The following DMTF1 variants were observed in gnomAD, a reference collection of about 807,000 sequenced individuals.
The protein encoded by DMTF1 is cyclin-D-binding Myb-like transcription factor 1.
In DMTF1, 39 loss-of-function variants were observed where a neutral mutation model predicts 91.1. That is an observed-to-expected ratio of 0.43 (90% CI 0.33 to 0.56). The LOEUF is 0.56. Among genes scored for constraint, DMTF1 ranks in the 20% least tolerant of loss-of-function variants. DMTF1 has a pLI of 0.05. For synonymous variants in DMTF1, 338 were observed against 309.5 expected (o/e 1.09, Z -0.97); for missense variants, 750 against 914.5 (o/e 0.82, Z 2.32).
At chr7:87,173,502 T>G in intron 5 of DMTF1, 33 bp from the exon 6 acceptor site, 1 of 1,452,922 alleles carries the variant, frequency 6.9e-7, no homozygotes, top group African/African-American at 1.4e-5. Context: ...TGTTTTGTTT[T>G]GTTTTGTTTT....
intron 3 of DMTF1, 72 bp downstream of exon 3, chr7:87,165,122 T>TTGG: frequency 1.9e-6 from 2 of 1,076,560 alleles, no homozygotes; most frequent in Non-Finnish European, 2.8e-6. Flanking sequence ...TGACCCCTAT[T>TTGG]GCCCAAATAG....
At chr7:87,192,362 G>A (rs1800045088) in intron 14 of DMTF1, 1 of 152,034 alleles carries the variant, frequency 6.6e-6, no homozygotes, top group African/African-American at 2.4e-5. Context: ...TTTATGGAAA[G>A]GAAAAGAAAT....
At chr7:87,161,902 T>G (rs985916551) in intron 1 of DMTF1, among the ~76,000 whole-genome samples, 5 of 152,242 alleles carry the variant, frequency 3.3e-5, no homozygotes, top group Non-Finnish European at 7.3e-5. Flanking sequence ...TGGGAAAATA[T>G]ATTGCAGTAT....
chr7:87,172,295 A>T (rs1795250681), intron 5 of DMTF1, among the ~76,000 whole-genome samples: 1 of 152,196 alleles, frequency 6.6e-6, no homozygotes, highest in African/African-American at 2.4e-5. Context: ...AAAAAGTATG[A>T]CATGTAAATA....
chr7:87,153,164 T>G (rs944340795), intron 1 of DMTF1, among the ~76,000 whole-genome samples: 4 of 152,034 alleles, frequency 2.6e-5, no homozygotes, highest in African/African-American at 9.7e-5. Context: ...GGTTCAGCCT[T>G]GCTCGGCGAT....
At chr7:87,182,497 T>G (rs1329970212) in intron 10 of DMTF1, among the ~76,000 whole-genome samples, 160 bp downstream of exon 10, 1 of 152,166 alleles carries the variant, frequency 6.6e-6, no homozygotes, top group African/African-American at 2.4e-5. Flanking sequence ...ATTAGATATA[T>G]CAAACTAATC....
At chr7:87,159,916 T>G (rs1375343315) in intron 1 of DMTF1, among the ~76,000 whole-genome samples, 1 of 152,220 alleles carries the variant, frequency 6.6e-6, no homozygotes, top group Non-Finnish European at 1.5e-5. Flanking sequence ...TATGCACATT[T>G]GATTGTTGAC....
chr7:87,154,101 G>A (rs893867316), intron 1 of DMTF1: 15 of 152,100 alleles, frequency 9.9e-5, no homozygotes, highest in African/African-American at 3.4e-4. Flanking sequence ...CATGTATTTG[G>A]TTAGGATTTA....
At chr7:87,181,539 T>G (rs973209929) in intron 9 of DMTF1, among the ~76,000 whole-genome samples, 198 bp downstream of exon 9, 1 of 152,220 alleles carries the variant, frequency 6.6e-6, no homozygotes, top group Non-Finnish European at 1.5e-5. Flanking sequence ...TAATCTGGTC[T>G]CCTGATGCCA....
In DMTF1 at chr7:87,184,696, T is replaced by C; in HGVS notation, c.1049+71T>C. ...TGGATGTCTTGATAGACTTTCCTCTTTTGGTTTTCCTGGATGCCTAGTGTC... is the reference window on the plus strand; with the variant it reads ...TGGATGTCTTGATAGACTTTCCTCTCTTGGTTTTCCTGGATGCCTAGTGTC... On this transcript the variant is annotated intron_variant, in intron 11 of 17. Transcript: ENST00000331242. 2.9e-6 allele frequency: 4 copies of C among 1,394,662 alleles called. No homozygotes were observed. In the South Asian group the frequency reaches 4.9e-5, roughly 17 times the overall value. 86.4% of individuals were successfully genotyped at this position (1,394,662 alleles called of 1,614,324 possible). A position where few individuals can be genotyped will look rare whatever the true frequency, so the allele number is the denominator to read the frequency against.
chr7:87,157,524 A>T (rs1791074078), intron 1 of DMTF1, among the ~76,000 whole-genome samples: 1 of 152,150 alleles, frequency 6.6e-6, no homozygotes, highest in Non-Finnish European at 1.5e-5. Context: ...TTTTTAGAAG[A>T]TATTCAACAC....
intron 4 of DMTF1, among the ~76,000 whole-genome samples, chr7:87,169,943 T>G (rs1794705194): frequency 1.3e-5 from 2 of 152,328 alleles, no homozygotes; most frequent in South Asian, 4.1e-4. Context: ...TACTATCTGG[T>G]GTTAACTACC....
intron 7 of DMTF1, among the ~76,000 whole-genome samples, chr7:87,177,040 T>G (rs1796402015): frequency 6.6e-6 from 1 of 152,146 alleles, no homozygotes; most frequent in Non-Finnish European, 1.5e-5. Flanking sequence ...TTGGCAAAAT[T>G]GGAATTGCAT....
intron 2 of DMTF1, among the ~76,000 whole-genome samples, chr7:87,164,516 T>C (rs1054378174): frequency 1.9e-4 from 29 of 152,172 alleles, no homozygotes; most frequent in African/African-American, 6.5e-4. Context: ...AAAAAATGTT[T>C]TGAAAAAATA....
intron 1 of DMTF1, among the ~76,000 whole-genome samples, chr7:87,157,723 C>T (rs1001540784): frequency 2.6e-5 from 4 of 151,988 alleles, no homozygotes; most frequent in South Asian, 2.1e-4. Flanking sequence ...TATCCCTTTT[C>T]GTTCTTCCAG....
At chr7:87,155,894 CTG>C (rs1245723887) in intron 1 of DMTF1, among the ~76,000 whole-genome samples, 2 of 152,136 alleles carry the variant, frequency 1.3e-5, no homozygotes, top group African/African-American at 4.8e-5. Context: ...ATTATGTACA[CTG>C]TTAGGTCATT....
At chr7:87,173,081 C>T (rs1250315420) in intron 5 of DMTF1, among the ~76,000 whole-genome samples, 1 of 152,166 alleles carries the variant, frequency 6.6e-6, no homozygotes, top group East Asian at 1.9e-4. Flanking sequence ...GCAAGCTTAT[C>T]TCTGAGGGCA....
chr7:87,163,160 C>T (rs139380025), intron 1 of DMTF1: 2 of 150,686 alleles, frequency 1.3e-5, no homozygotes, highest in African/African-American at 4.9e-5. Flanking sequence ...ATATACACAT[C>T]ATGTTACATA....
chr7:87,193,845 G>C lies in DMTF1; in HGVS notation c.1771G>C (p.Val591Leu). ...TSSISQAELT[V>L]DSDIQSSDFP... ...TTCCATATCCCAAGCAGAACTGACA[G>C]TCGATAGTGATATTCAGTCATCTGA... Residue 591 changes from valine (V) to leucine (L), a missense_variant, in exon 16 of 18, where the codon GTC becomes CTC. Physicochemically the swap from Val to Leu is conservative, Grantham distance 32. Transcript: ENST00000331242. 6.2e-7 allele frequency: 1 copy of C among 1,613,330 alleles called. No homozygotes were observed. Among genetic ancestry groups the C allele is most frequent in the Non-Finnish European group, 8.5e-7 (1 of 1,179,578 alleles).
Sources: gnomAD v4.1 joint callset for allele counts (sites outside exome capture counted in the v4.1 genomes callset) on GRCh38, gnomAD v4.1.1 for gene constraint, MANE v1.5 for transcripts, NCBI Gene and HGNC (gene_info 2026-07-23, HGNC 2026-07-21) for gene names.